The following CPEB3 variants were observed in gnomAD, a reference collection of about 807,000 sequenced individuals.
CPEB3 encodes cytoplasmic polyadenylation element-binding protein 3.
CPEB3 carries 20 observed loss-of-function variants against 67.2 expected under a neutral mutation model. The ratio of observed to expected loss-of-function variants is 0.30; its 90% CI spans 0.21 to 0.43. The LOEUF is 0.43. CPEB3 is among the 20% of genes least tolerant of loss of function. CPEB3 has a pLI of 1.00. For missense variants in CPEB3, 746 were observed against 968.6 expected, an observed-to-expected ratio of 0.77 and a Z score of 3.05; for synonymous variants, 376 against 393.1, an observed-to-expected ratio of 0.96 and a Z score of 0.51.
intron 4 of CPEB3, among the ~76,000 whole-genome samples, chr10:92,170,424 C>T (rs1177185301): frequency 6.6e-6 from 1 of 152,142 alleles, no homozygotes; most frequent in Non-Finnish European, 1.5e-5. Context: ...AAACAAACCT[C>T]GGTAAAGAAT....
chr10:92,136,057 T>C (rs901663910), intron 6 of CPEB3, among the ~76,000 whole-genome samples: 1 of 151,890 alleles, frequency 6.6e-6, no homozygotes, highest in Non-Finnish European at 1.5e-5. Flanking sequence ...AAATACCTAT[T>C]GTAAATGATG....
rs1852136486 is a variant in CPEB3, at chr10:92,047,093, TC to T, written c.*5118del. Reference sequence around the variant, plus strand: ...TTATCCTGTGTTAGCACCCAAGTTTTCTACTTGTTGCAATTAACTTTGTCGT... The same window carrying T: ...TTATCCTGTGTTAGCACCCAAGTTTTTACTTGTTGCAATTAACTTTGTCGT... On this transcript the variant is annotated 3_prime_UTR_variant, in exon 10 of 10. Transcript: ENST00000265997. The T allele has an allele frequency of 6.6e-6, 1 of 152,224 alleles. No homozygotes were observed. Among genetic ancestry groups the T allele is most frequent in the South Asian group, 2.1e-4 (1 of 4,834 alleles). The allele number at this position is 152,224 out of a possible 1,614,324, so 9.4% of individuals were successfully genotyped here.
intron 6 of CPEB3, among the ~76,000 whole-genome samples, chr10:92,125,426 T>C (rs1845565945): frequency 6.6e-6 from 1 of 152,310 alleles, no homozygotes; most frequent in South Asian, 2.1e-4. Flanking sequence ...TCAACAGTGG[T>C]AGCACAGCTG....
At position 92,196,922 on chromosome 10, in the gene CPEB3, A is replaced by AC. The variant is rs375774051; in HGVS notation, c.1006-4287dup. On this transcript the variant is annotated intron_variant, in intron 2 of 9. Transcript: ENST00000265997. ...ACTACAGCCTGGGCAACAGAGTGAGACCCCATCTCAAAAAAAAAAAAAGGG... is the reference window on the plus strand; with the variant it reads ...ACTACAGCCTGGGCAACAGAGTGAGACCCCCATCTCAAAAAAAAAAAAAGGG... 3.1e-4 allele frequency among the ~76,000 whole-genome samples: 46 copies of AC among 149,674 alleles called. 1 individual carries two copies. Among genetic ancestry groups the AC allele is most frequent in the African/African-American group, 1.1e-3 (45 of 40,420 alleles).
chr10:92,139,998 G>A (rs1485453801), intron 6 of CPEB3, among the ~76,000 whole-genome samples: 4 of 150,212 alleles, frequency 2.7e-5, no homozygotes, highest in South Asian at 2.1e-4. Flanking sequence ...GCTTGAACCC[G>A]GGAGGTGGAG....
intron 2 of CPEB3, among the ~76,000 whole-genome samples, chr10:92,212,070 G>A (rs562495529): frequency 9.1e-5 from 13 of 143,478 alleles, no homozygotes; most frequent in Admixed American, 3.5e-4. Context: ...TAGTAGAGAC[G>A]GGGTTTCACT....
chr10:92,196,085 T>C (rs916594197), intron 2 of CPEB3, among the ~76,000 whole-genome samples: 3 of 152,214 alleles, frequency 2.0e-5, no homozygotes, highest in African/African-American at 4.8e-5. Context: ...AAAAATCACA[T>C]GTAGAGCCGA....
Position 92,239,386 on chromosome 10 carries a change from G to A in CPEB3, c.965C>T (p.Ala322Val), listed in dbSNP as rs1564897019. Residue 322 changes from alanine to valine, a missense_variant, in exon 2 of 10, where the codon GCT (alanine) becomes GTT (valine). Ala to Val is a moderately conservative substitution (Grantham distance 64). Around this residue, in one of 2 missense-constraint regions of CPEB3, gnomAD observed 643 missense variants for 717.5 expected, o/e 0.90. Transcript: ENST00000265997. This position sits in a 1 kb window ranked among gnomAD's most constrained non-coding sequence, Gnocchi z 6.0. ...ATTGTTACCATTATCGGTCCGGAAAGCGTTATCCTCCATCCAGGACTTGGA... is the reference window on the plus strand; with the variant it reads ...ATTGTTACCATTATCGGTCCGGAAAACGTTATCCTCCATCCAGGACTTGGA... ...LTSKSWMEDN[A>V]FRTDNGNNLL... The A allele has an allele frequency of 1.2e-6, 2 of 1,606,520 alleles. No homozygotes were observed. The highest frequency in any genetic ancestry group is 1.7e-6 in the Non-Finnish European group (2 of 1,176,558).
chr10:92,155,188 G>A (rs1020612470), intron 4 of CPEB3, among the ~76,000 whole-genome samples: 2 of 152,114 alleles, frequency 1.3e-5, no homozygotes, highest in African/African-American at 2.4e-5. Context: ...CAGCCTGGGC[G>A]ACAAAGTGAG....
chr10:92,270,631 G>A (rs1853266251), intron 1 of CPEB3, among the ~76,000 whole-genome samples: 1 of 147,732 alleles, frequency 6.8e-6, no homozygotes, highest in Non-Finnish European at 1.5e-5. Flanking sequence ...GGTGTGATCT[G>A]GGCTCACTGC....
At chr10:92,260,428 G>C (rs1852740135) in intron 1 of CPEB3, among the ~76,000 whole-genome samples, 1 of 151,598 alleles carries the variant, frequency 6.6e-6, no homozygotes, top group South Asian at 2.1e-4. Flanking sequence ...GCATGCGCCT[G>C]TAATCCCAGC....
chr10:92,266,086 G>A (rs1448035689), intron 1 of CPEB3, among the ~76,000 whole-genome samples: 1 of 152,156 alleles, frequency 6.6e-6, no homozygotes, highest in Non-Finnish European at 1.5e-5. Context: ...GGACTCTGCA[G>A]TCTCCACCAG....
intron 1 of CPEB3, among the ~76,000 whole-genome samples, chr10:92,267,303 A>T (rs1179299570): frequency 1.3e-5 from 2 of 152,150 alleles, no homozygotes; most frequent in African/African-American, 4.8e-5. Context: ...TAAAAATATA[A>T]AAACCATTCT....
At chr10:92,275,022 G>A (rs1841914021) in intron 1 of CPEB3, among the ~76,000 whole-genome samples, 1 of 152,150 alleles carries the variant, frequency 6.6e-6, no homozygotes, top group Non-Finnish European at 1.5e-5. Flanking sequence ...GAATGTTCCT[G>A]CTACCACAAT....
At chr10:92,172,544 C>G (rs80151123) in intron 4 of CPEB3, among the ~76,000 whole-genome samples, 4 of 152,290 alleles carry the variant, frequency 2.6e-5, no homozygotes, top group African/African-American at 7.2e-5. Context: ...GTAAAAATCA[C>G]ACGGGATTAG....
intron 2 of CPEB3, among the ~76,000 whole-genome samples, chr10:92,206,044 T>C (rs772160511): frequency 6.6e-6 from 1 of 152,080 alleles, no homozygotes; most frequent in African/African-American, 2.4e-5. Flanking sequence ...TTTAGGGTAC[T>C]TTAAATGTCA....
chr10:92,076,650 G>A (rs1447503260), intron 9 of CPEB3, among the ~76,000 whole-genome samples: 1 of 152,128 alleles, frequency 6.6e-6, no homozygotes, highest in Non-Finnish European at 1.5e-5. Context: ...CTGGGCTCAA[G>A]TGCTCCTCCC....
intron 1 of CPEB3, among the ~76,000 whole-genome samples, chr10:92,245,520 C>A (rs938729635): frequency 6.6e-6 from 1 of 152,140 alleles, no homozygotes; most frequent in Admixed American, 6.6e-5. Context: ...AAAAGATCTA[C>A]GTAAAACAAC....
At chr10:92,055,495 TC>T (rs1159253177) in intron 9 of CPEB3, among the ~76,000 whole-genome samples, 1 of 152,150 alleles carries the variant, frequency 6.6e-6, no homozygotes, top group Non-Finnish European at 1.5e-5. Context: ...CCCCACCCCC[TC>T]TTAAGCAGGA....
Sources: gnomAD v4.1 joint callset for allele counts (sites outside exome capture counted in the v4.1 genomes callset) on GRCh38, gnomAD v4.1.1 for gene constraint, gnomAD v4.1.1 regional missense constraint, Gnocchi (gnomAD v3.1) non-coding constraint, MANE v1.5 for transcripts, NCBI Gene and HGNC (gene_info 2026-07-23, HGNC 2026-07-21) for gene names.